UGGT2: variants seen among roughly 807,000 people sequenced by gnomAD.
The protein encoded by UGGT2 is UDP-glucose:glycoprotein glucosyltransferase 2.
UGGT2 carries 180 observed loss-of-function variants against 192.1 expected under a neutral mutation model. The ratio of observed to expected loss-of-function variants is 0.94; its 90% CI spans 0.83 to 1.06. UGGT2 has a LOEUF of 1.06. Among genes scored for constraint, UGGT2 ranks in the 50% least tolerant of loss-of-function variants. UGGT2 has a pLI of 0.00. For synonymous variants in UGGT2, 580 were observed against 591.0 expected (o/e 0.98, Z 0.27); for missense variants, 1,849 against 1,795.7 (o/e 1.03, Z -0.54).
At chr13:96,052,885 C>A (rs1445172726) in intron 1 of UGGT2, among the ~76,000 whole-genome samples, 1 of 152,262 alleles carries the variant, frequency 6.6e-6, no homozygotes, top group Non-Finnish European at 1.5e-5. Flanking sequence ...AATGCTAATA[C>A]ATCCCAACGT....
chr13:95,831,769 C>G (rs547187728), intron 38 of UGGT2, among the ~76,000 whole-genome samples: 1 of 151,938 alleles, frequency 6.6e-6, no homozygotes, highest in African/African-American at 2.4e-5. Context: ...TACCTCTTTC[C>G]CAATTTGATA....
chr13:95,806,485 C>T (rs1054622209), intron 38 of UGGT2, among the ~76,000 whole-genome samples: 1 of 152,152 alleles, frequency 6.6e-6, no homozygotes, highest in Admixed American at 6.5e-5. Context: ...CAGTACTACT[C>T]AAAGTGATCT....
At chr13:95,973,639 C>T (rs1314613880) in intron 10 of UGGT2, among the ~76,000 whole-genome samples, 1 of 152,092 alleles carries the variant, frequency 6.6e-6, no homozygotes, top group Non-Finnish European at 1.5e-5. Flanking sequence ...GAACAGTTAA[C>T]AAAAGTAAAA....
intron 10 of UGGT2, among the ~76,000 whole-genome samples, chr13:95,973,314 T>G (rs1455981437): frequency 1.3e-5 from 2 of 152,184 alleles, no homozygotes; most frequent in Non-Finnish European, 2.9e-5. Context: ...TTAAGATAGA[T>G]TAGAGATAAA....
At chr13:96,038,331 G>A (rs535701644) in intron 1 of UGGT2, among the ~76,000 whole-genome samples, 1 of 152,138 alleles carries the variant, frequency 6.6e-6, no homozygotes, top group Non-Finnish European at 1.5e-5. Context: ...ATACCTTACA[G>A]TAAGGATTAT....
chr13:95,906,773 A>C (rs1031461084), intron 20 of UGGT2, among the ~76,000 whole-genome samples: 2 of 152,234 alleles, frequency 1.3e-5, no homozygotes, highest in African/African-American at 4.8e-5. Context: ...ACTTCTTATC[A>C]GAAACAACAG....
At chr13:95,883,943 A>G (rs2047566219) in intron 27 of UGGT2, among the ~76,000 whole-genome samples, 1 of 152,056 alleles carries the variant, frequency 6.6e-6, no homozygotes, top group South Asian at 2.1e-4. Context: ...TCACTAGACA[A>G]GGGTCATACC....
At chr13:95,829,092 C>T (rs140590706) in intron 38 of UGGT2, among the ~76,000 whole-genome samples, 3 of 151,996 alleles carry the variant, frequency 2.0e-5, no homozygotes, top group Non-Finnish European at 4.4e-5. Flanking sequence ...CAACAGATGC[C>T]GAAAAGGTCT....
chr13:95,981,894 T>C lies in UGGT2; in HGVS notation c.1092+1910A>G, dbSNP rs2140859486. 2.0e-5 allele frequency among the ~76,000 whole-genome samples: 3 copies of C among 152,368 alleles called. No individual in the cohort carries two copies. In the South Asian group the frequency reaches 6.2e-4, roughly 32 times the overall value. On this transcript the variant is annotated intron_variant, in intron 10 of 38. Coordinates refer to ENST00000376747, the MANE Select transcript of UGGT2 (RefSeq NM_020121.4). Reference sequence around the variant, plus strand: ...TGAGCTAGTGGGTAACATGGACTGCTAGTCCAAATACCCATTTAGCCTAGA... The same window carrying C: ...TGAGCTAGTGGGTAACATGGACTGCCAGTCCAAATACCCATTTAGCCTAGA...
rs979427214 is a variant in UGGT2 at position 95,971,520 on chromosome 13, T to C, written c.1184+1060A>G. ...TTATTTTTTTAATAACCTACAGCCTTCCTAAATTATACGTGAAAATATTCC... is the reference window on the plus strand; with the variant it reads ...TTATTTTTTTAATAACCTACAGCCTCCCTAAATTATACGTGAAAATATTCC... On this transcript the variant is annotated intron_variant, in intron 11 of 38. Transcript: ENST00000376747. 2.0e-5 allele frequency among the ~76,000 whole-genome samples: 3 copies of C among 152,096 alleles called. 1 individual carries two copies. The highest frequency in any genetic ancestry group is 7.2e-5 in the African/African-American group (3 of 41,410).
rs765748755 is a variant in UGGT2 at position 95,895,189 on chromosome 13, T to C, written c.2750A>G (p.Asn917Ser). 6.3e-6 allele frequency: 10 copies of C among 1,582,944 alleles called. No individual in the cohort carries two copies. Among genetic ancestry groups the C allele is most frequent in the Non-Finnish European group, 8.5e-6 (10 of 1,172,296 alleles). Residue 917 changes from asparagine to serine, a missense_variant, in exon 23 of 39, where the codon AAC (asparagine) becomes AGC (serine). Physicochemically the swap from Asn to Ser is conservative, Grantham distance 46. Coordinates refer to ENST00000376747, the MANE Select transcript of UGGT2 (RefSeq NM_020121.4). Reference sequence around the variant, plus strand: ...GAACTTATATACTCACTTATTTGCGTTGATTCCCATATTTTCAACAATGCC... The same window carrying C: ...GAACTTATATACTCACTTATTTGCGCTGATTCCCATATTTTCAACAATGCC... ...IKGIVENMGI[N>S]ANNMSDFIMK...
intron 4 of UGGT2, among the ~76,000 whole-genome samples, chr13:96,016,770 T>C (rs531668158): frequency 3.4e-4 from 52 of 152,276 alleles, no homozygotes; most frequent in Non-Finnish European, 6.3e-4. Flanking sequence ...TACTGCCTAG[T>C]GGAGCTAGTG....
At chr13:95,956,844 T>A (rs1196254661) in intron 12 of UGGT2, among the ~76,000 whole-genome samples, 1 of 152,216 alleles carries the variant, frequency 6.6e-6, no homozygotes, top group East Asian at 1.9e-4. Context: ...CCACAAGAAC[T>A]GAAAGCAGAG....
At chr13:95,894,758 G>A in intron 23 of UGGT2, 101 bp from the exon 24 acceptor site, 2 of 958,850 alleles carry the variant, frequency 2.1e-6, no homozygotes, top group Admixed American at 2.3e-5. Context: ...TCTGAACATG[G>A]TTAAATCTAC....
At chr13:95,900,442 A>G (rs1285813762) in intron 22 of UGGT2, among the ~76,000 whole-genome samples, 1 of 152,184 alleles carries the variant, frequency 6.6e-6, no homozygotes, top group Non-Finnish European at 1.5e-5. Context: ...TGTAGGAACA[A>G]GAAGAAAGAT....
At chr13:95,856,112 T>C (rs1889584897) in intron 34 of UGGT2, 46 bp downstream of exon 34, 3 of 1,448,892 alleles carry the variant, frequency 2.1e-6, no homozygotes, top group Non-Finnish European at 2.8e-6. Flanking sequence ...GATAGAAGTG[T>C]AAAAAATGTT....
intron 38 of UGGT2, among the ~76,000 whole-genome samples, chr13:95,821,553 T>C (rs1885518593): frequency 6.6e-6 from 1 of 152,238 alleles, no homozygotes; most frequent in Non-Finnish European, 1.5e-5. Flanking sequence ...GATGATTATT[T>C]CTTTTGCCAT....
intron 19 of UGGT2, 144 bp from the exon 20 acceptor site, chr13:95,925,918 T>G (rs754054350): frequency 4.0e-6 from 2 of 494,288 alleles, no homozygotes; most frequent in Non-Finnish European, 7.2e-6. Context: ...TATGTGTGAA[T>G]GTATACATGC....
At chr13:95,932,211 ATTTG>A (rs1226997000) in intron 17 of UGGT2, among the ~76,000 whole-genome samples, 1 of 151,938 alleles carries the variant, frequency 6.6e-6, no homozygotes, top group East Asian at 1.9e-4. Flanking sequence ...ATGTTTACCC[ATTTG>A]TTTGCATAAT....
Sources: gnomAD v4.1 joint callset for allele counts (sites outside exome capture counted in the v4.1 genomes callset) on GRCh38, gnomAD v4.1.1 for gene constraint, MANE v1.5 for transcripts, NCBI Gene and HGNC (gene_info 2026-07-23, HGNC 2026-07-21) for gene names.